Variants in DCP1A observed in about 807,000 individuals in gnomAD.
The protein encoded by DCP1A is decapping mRNA 1A.
A neutral mutation model predicts 58.0 loss-of-function variants in DCP1A; 20 were observed. The observed-to-expected ratio is 0.34, with a 90% CI of 0.24 to 0.50. The LOEUF (loss-of-function observed/expected upper bound fraction) is 0.50, where lower values mean the gene tolerates loss of function less well. Ranked by LOEUF, DCP1A falls within the 20% of genes least tolerant of loss-of-function variation. DCP1A has a pLI of 0.98. For synonymous variants in DCP1A, 285 were observed against 275.1 expected (o/e 1.04, Z -0.36); for missense variants, 613 against 712.2 (o/e 0.86, Z 1.59).
At position 53,287,206 on chromosome 3, in the gene DCP1A, C is replaced by T; in HGVS notation, c.*374G>A. 1 of 176,126 alleles carries T rather than the reference C, an allele frequency of 5.7e-6. No individual in the cohort carries two copies. Among genetic ancestry groups the T allele is most frequent in the South Asian group, 1.5e-4 (1 of 6,622 alleles). The allele number at this position is 176,126 out of a possible 1,614,324, so 10.9% of individuals were successfully genotyped here. A position where few individuals can be genotyped will look rare whatever the true frequency, so the allele number is the denominator to read the frequency against. On this transcript the variant is annotated 3_prime_UTR_variant, in exon 10 of 10. Transcript: ENST00000610213. ...GGGAAGCGGTGGGGGCCGGGCTGAA[C>T]TTCTGCTGTGAGGCTGGTGACTACT...
chr3:53,324,422 A>G (rs1246772677), intron 3 of DCP1A, among the ~76,000 whole-genome samples: 1 of 151,210 alleles, frequency 6.6e-6, no homozygotes, highest in Non-Finnish European at 1.5e-5. Context: ...GATAGCTAAA[A>G]CTGCAGAGGA....
Position 53,286,877 on chromosome 3 carries a change from T to A in DCP1A, c.*703A>T, listed in dbSNP as rs1296415336. 6.6e-6 allele frequency: 1 copy of A among 152,240 alleles called. No homozygotes were observed. The highest frequency in any genetic ancestry group is 1.5e-5 in the Non-Finnish European group (1 of 68,044). The allele number at this position is 152,240 out of a possible 1,614,324, so 9.4% of individuals were successfully genotyped here. On this transcript the variant is annotated 3_prime_UTR_variant, in exon 10 of 10. Transcript: ENST00000610213. ...AGCCCCAGCCTTTCCTTCAAAGGTA[T>A]GACATGCCTGTGTCCACACCACCAG...
intron 3 of DCP1A, among the ~76,000 whole-genome samples, chr3:53,340,141 T>G (rs546806892): frequency 2.0e-5 from 3 of 152,146 alleles, no homozygotes; most frequent in Non-Finnish European, 4.4e-5. Flanking sequence ...CCCAGGCTGG[T>G]CTCAAACTCC....
At chr3:53,337,441 T>C (rs935565995) in intron 3 of DCP1A, among the ~76,000 whole-genome samples, 5 of 152,246 alleles carry the variant, frequency 3.3e-5, no homozygotes, top group Admixed American at 6.5e-5. Flanking sequence ...ACACAGTCTA[T>C]GATATTTTGT....
intron 3 of DCP1A, among the ~76,000 whole-genome samples, chr3:53,326,283 C>A (rs1474838853): frequency 6.6e-6 from 1 of 152,184 alleles, no homozygotes; most frequent in Non-Finnish European, 1.5e-5. Flanking sequence ...AACAATATCA[C>A]AACTGATTAC....
chr3:53,346,791 C>A (rs2089297405), intron 1 of DCP1A, among the ~76,000 whole-genome samples: 1 of 152,142 alleles, frequency 6.6e-6, no homozygotes, highest in Non-Finnish European at 1.5e-5. Context: ...ATCCAGTGAA[C>A]ACGGAAGCCC....
Position 53,323,166 on chromosome 3 carries a change from C to G in DCP1A, c.305-3693G>C, listed in dbSNP as rs370988391. On this transcript the variant is annotated intron_variant, in intron 3 of 9. Coordinates refer to ENST00000610213, the MANE Select transcript of DCP1A (RefSeq NM_018403.7). ...AATCCATTTTCACAGTGCCTCTTTT[C>G]TTCACAGAGTTGAGTGCTCCAAACA... Among the ~76,000 whole-genome samples the G allele has an allele frequency of 8.5e-5, 13 of 152,276 alleles. No individual in the cohort carries two copies. The East Asian group carries it at 2.5e-3, about 29-fold the overall frequency.
At chr3:53,311,389 G>A (rs2106833686) in intron 5 of DCP1A, among the ~76,000 whole-genome samples, 1 of 152,300 alleles carries the variant, frequency 6.6e-6, no homozygotes, top group South Asian at 2.1e-4. Flanking sequence ...GAGGTGCCAA[G>A]TAAAATTCCA....
At chr3:53,295,101 G>A (rs949988500) in intron 6 of DCP1A, among the ~76,000 whole-genome samples, 1 of 152,188 alleles carries the variant, frequency 6.6e-6, no homozygotes, top group African/African-American at 2.4e-5. Context: ...CAGAGAAAGA[G>A]GGCCAGCAGC....
At chr3:53,334,253 G>A (rs1446672911) in intron 3 of DCP1A, among the ~76,000 whole-genome samples, 5 of 152,036 alleles carry the variant, frequency 3.3e-5, no homozygotes, top group East Asian at 3.8e-4. Flanking sequence ...GTGTCACAGC[G>A]AGACCTGTCT....
At chr3:53,306,244 C>T (rs372072081) in intron 5 of DCP1A, among the ~76,000 whole-genome samples, 3 of 152,128 alleles carry the variant, frequency 2.0e-5, no homozygotes, top group South Asian at 2.1e-4. Flanking sequence ...ATTTGAATAG[C>T]GGCGGAACAT....
intron 4 of DCP1A, among the ~76,000 whole-genome samples, chr3:53,317,546 T>A (rs574480216): frequency 6.6e-6 from 1 of 152,178 alleles, no homozygotes; most frequent in Non-Finnish European, 1.5e-5. Flanking sequence ...ATCTAATAAA[T>A]GGCTATGTTG....
At chr3:53,304,471 T>C (rs1707408122) in intron 5 of DCP1A, among the ~76,000 whole-genome samples, 181 bp from the exon 6 acceptor site, 1 of 152,176 alleles carries the variant, frequency 6.6e-6, no homozygotes, top group Non-Finnish European at 1.5e-5. Flanking sequence ...TCTAGAACAT[T>C]GAGCACCTAA....
intron 9 of DCP1A, 104 bp from the exon 10 acceptor site, chr3:53,287,764 A>G (rs1706696245): frequency 3.8e-6 from 3 of 794,958 alleles, no homozygotes; most frequent in South Asian, 3.1e-5. Flanking sequence ...AATGATTTGT[A>G]TAACTGATAA....
chr3:53,286,305 G>A lies in DCP1A; in HGVS notation c.*1275C>T, dbSNP rs1706631182. On this transcript the variant is annotated 3_prime_UTR_variant, in exon 10 of 10. Transcript: ENST00000610213. ...AATAGTGCTCAGAAAAGTAAGCAGT[G>A]CATCTTAATTGGTTAAATACTACAA... is the stretch of plus-strand genomic sequence containing the variant. 2 of 152,200 alleles carry A rather than the reference G, an allele frequency of 1.3e-5. No homozygotes were observed. The highest frequency in any genetic ancestry group is 4.1e-4 in the South Asian group (2 of 4,832). 9.4% of individuals were successfully genotyped at this position (152,200 alleles called of 1,614,324 possible). A position where few individuals can be genotyped will look rare whatever the true frequency, so the allele number is the denominator to read the frequency against.
intron 4 of DCP1A, among the ~76,000 whole-genome samples, chr3:53,315,309 G>T (rs1707768850): frequency 6.6e-6 from 1 of 152,064 alleles, no homozygotes; most frequent in Non-Finnish European, 1.5e-5. Context: ...GGAGGCCAAG[G>T]TGGGTGGATC....
At chr3:53,312,877 A>G (rs1246594095) in intron 4 of DCP1A, among the ~76,000 whole-genome samples, 1 of 152,200 alleles carries the variant, frequency 6.6e-6, no homozygotes, top group African/African-American at 2.4e-5. Context: ...CGTCTCATTA[A>G]CAGTGCCAAT....
At position 53,301,433 on chromosome 3, in the gene DCP1A, C is replaced by T. The variant is rs1410871526; in HGVS notation, c.624+2744G>A. ...ATTCAGGTACCACCACCACCATGCC[C>T]GTCCAATTTTTGTATTTTTAGTAGA... On this transcript the variant is annotated intron_variant, in intron 6 of 9. Transcript: ENST00000610213. Among the ~76,000 whole-genome samples, 9 of 152,054 alleles carry T rather than the reference C, an allele frequency of 5.9e-5. No individual in the cohort carries two copies. The East Asian group carries it at 1.2e-3, about 20-fold the overall frequency.
At chr3:53,342,499 GCCACCA>G (rs2089222901) in intron 2 of DCP1A, among the ~76,000 whole-genome samples, 1 of 152,106 alleles carries the variant, frequency 6.6e-6, no homozygotes, top group African/African-American at 2.4e-5. Context: ...CCTTACTGAG[GCCACCA>G]AGGCCCCACC....
Sources: gnomAD v4.1 joint callset for allele counts (sites outside exome capture counted in the v4.1 genomes callset) on GRCh38, gnomAD v4.1.1 for gene constraint, MANE v1.5 for transcripts, NCBI Gene and HGNC (gene_info 2026-07-23, HGNC 2026-07-21) for gene names.